Variants in MIPOL1 observed in about 807,000 individuals in gnomAD.
MIPOL1 encodes mirror-image polydactyly gene 1 protein.
A neutral mutation model predicts 60.9 loss-of-function variants in MIPOL1; 57 were observed. The observed-to-expected ratio is 0.94, with a 90% CI of 0.76 to 1.17. MIPOL1 has a LOEUF of 1.17. MIPOL1 is among the 50% of genes most tolerant of loss of function. MIPOL1 has a pLI of 0.00. For missense variants in MIPOL1, 551 were observed against 511.6 expected (o/e 1.08, Z -0.74); for synonymous variants, 179 against 168.8 (o/e 1.06, Z -0.47).
At chr14:37,249,770 G>A (rs568265607) in intron 3 of MIPOL1, among the ~76,000 whole-genome samples, 3 of 152,014 alleles carry the variant, frequency 2.0e-5, no homozygotes, top group Admixed American at 1.3e-4. Flanking sequence ...AAGTAAGTAA[G>A]CAGATACTCT....
chr14:37,537,822 A>G (rs1208609971), intron 12 of MIPOL1, among the ~76,000 whole-genome samples: 2 of 152,200 alleles, frequency 1.3e-5, no homozygotes, highest in Non-Finnish European at 2.9e-5. Flanking sequence ...TAAATGCTCT[A>G]TGCTGTGAGC....
chr14:37,325,770 A>G (rs2089098050), intron 9 of MIPOL1, among the ~76,000 whole-genome samples: 1 of 152,126 alleles, frequency 6.6e-6, no homozygotes, highest in African/African-American at 2.4e-5. Flanking sequence ...TATTCAACAT[A>G]TATTCCTCCT....
chr14:37,424,673 T>A (rs1267286015), intron 11 of MIPOL1, among the ~76,000 whole-genome samples: 1 of 152,228 alleles, frequency 6.6e-6, no homozygotes, highest in African/African-American at 2.4e-5. Context: ...GGTCACTGAC[T>A]GTTGGGAATC....
intron 11 of MIPOL1, among the ~76,000 whole-genome samples, chr14:37,461,976 G>A (rs1300343624): frequency 6.6e-6 from 1 of 152,120 alleles, no homozygotes; most frequent in Non-Finnish European, 1.5e-5. Flanking sequence ...GGAAGACAGT[G>A]GCCCTCTTCT....
intron 10 of MIPOL1, among the ~76,000 whole-genome samples, chr14:37,374,296 A>T (rs1405866044): frequency 6.6e-6 from 1 of 152,090 alleles, no homozygotes; most frequent in Non-Finnish European, 1.5e-5. Flanking sequence ...CCTTTGTCAG[A>T]TGGGTAGATT....
At chr14:37,220,166 C>T (rs182254696) in intron 1 of MIPOL1, among the ~76,000 whole-genome samples, 3 of 152,042 alleles carry the variant, frequency 2.0e-5, no homozygotes, top group Admixed American at 6.6e-5. Flanking sequence ...TATAAGTGTT[C>T]GTCACATAAT....
intron 12 of MIPOL1, among the ~76,000 whole-genome samples, chr14:37,500,820 A>G (rs2095204998): frequency 6.6e-6 from 1 of 152,192 alleles, no homozygotes; most frequent in African/African-American, 2.4e-5. Flanking sequence ...TAATAGAACC[A>G]CTGTAATAGA....
chr14:37,408,644 AAGTC>A (rs2093632233), intron 10 of MIPOL1, among the ~76,000 whole-genome samples: 1 of 152,182 alleles, frequency 6.6e-6, no homozygotes, highest in Admixed American at 6.5e-5. Flanking sequence ...AAAACAAAAA[AAGTC>A]AGGAAAATTA....
rs371406939 is a variant in MIPOL1, at chr14:37,285,342, C to T, written c.518C>T (p.Ala173Val). The part of the protein sequence containing the change: ...TAALVEEVYF[A>V]QKERDEAVMS... ...GCTCTGGTTGAAGAAGTGTATTTTG[C>T]GCAGAAGGAACGTGATGAAGCTGTT... The change falls in exon 7 of 13, where the codon GCG becomes GTG. Residue 173 changes from alanine (A) to valine (V), a missense_variant. By Grantham distance (64) the Ala-to-Val change is moderately conservative (BLOSUM62 0). Coordinates refer to ENST00000684589, the MANE Select transcript of MIPOL1 (RefSeq NM_001388067.1). 9 of 1,613,658 alleles carry T rather than the reference C, an allele frequency of 5.6e-6. No homozygotes were observed. The highest frequency in any genetic ancestry group is 1.3e-5 in the African/African-American group (1 of 74,826).
At chr14:37,366,999 C>T (rs2092492395) in intron 9 of MIPOL1, among the ~76,000 whole-genome samples, 1 of 151,746 alleles carries the variant, frequency 6.6e-6, no homozygotes, top group African/African-American at 2.4e-5. Context: ...ATTTTAGTGA[C>T]AAATTTAACA....
chr14:37,466,592 A>G (rs2094601304), intron 11 of MIPOL1, among the ~76,000 whole-genome samples: 2 of 152,204 alleles, frequency 1.3e-5, no homozygotes, highest in Non-Finnish European at 1.5e-5. Flanking sequence ...TCAGGAGGAC[A>G]TAGTTAATAA....
intron 1 of MIPOL1, among the ~76,000 whole-genome samples, chr14:37,230,818 A>C (rs1477657527): frequency 5.3e-5 from 8 of 152,192 alleles, no homozygotes; most frequent in Admixed American, 5.2e-4. Flanking sequence ...GTGCTACTGC[A>C]TGGCAAACAA....
At chr14:37,372,179 A>G (rs555868260) in intron 10 of MIPOL1, among the ~76,000 whole-genome samples, 4 of 152,190 alleles carry the variant, frequency 2.6e-5, no homozygotes, top group Non-Finnish European at 5.9e-5. Flanking sequence ...AATTACACTG[A>G]AATTCCTAAA....
intron 7 of MIPOL1, among the ~76,000 whole-genome samples, chr14:37,299,390 G>T (rs1365147640): frequency 6.6e-6 from 1 of 151,960 alleles, no homozygotes; most frequent in East Asian, 1.9e-4. Flanking sequence ...GTATACATAT[G>T]TAACAAACCT....
intron 11 of MIPOL1, among the ~76,000 whole-genome samples, chr14:37,458,518 A>T (rs12436453): frequency 6.6e-6 from 1 of 152,148 alleles, no homozygotes; most frequent in Non-Finnish European, 1.5e-5. Flanking sequence ...ACCAAGAGGA[A>T]CTATCAAAAC....
intron 9 of MIPOL1, among the ~76,000 whole-genome samples, chr14:37,345,874 G>A (rs1247460257): frequency 6.6e-6 from 1 of 152,184 alleles, no homozygotes; most frequent in African/African-American, 2.4e-5. Context: ...TATCTTACAT[G>A]TGTATCTTTT....
intron 1 of MIPOL1, among the ~76,000 whole-genome samples, chr14:37,216,034 G>A (rs184784852): frequency 2.1e-5 from 3 of 142,920 alleles, no homozygotes; most frequent in Admixed American, 7.5e-5. Flanking sequence ...TTGCACTCCA[G>A]CCTGGGTGAC....
intron 12 of MIPOL1, among the ~76,000 whole-genome samples, chr14:37,528,831 C>T (rs569126492): frequency 6.6e-6 from 1 of 151,972 alleles, no homozygotes; most frequent in Admixed American, 6.5e-5. Context: ...AGTGTGTGTC[C>T]CATCAAAGAG....
rs113895746 is a variant in MIPOL1 at position 37,451,651 on chromosome 14, A to G, written c.1031+28702A>G. On this transcript the variant is annotated intron_variant, in intron 11 of 12. Coordinates refer to ENST00000684589, the MANE Select transcript of MIPOL1 (RefSeq NM_001388067.1). ...GAAATACATTTATGATAGAAAAAGC[A>G]TTGACATCCAATTGATTTTAAAAAT... is the stretch of plus-strand genomic sequence containing the variant. 2.1e-3 allele frequency among the ~76,000 whole-genome samples: 322 copies of G among 152,190 alleles called. 1 individual carries two copies. Among genetic ancestry groups the G allele is most frequent in the African/African-American group, 7.2e-3 (300 of 41,476 alleles).
Sources: gnomAD v4.1 joint callset for allele counts (sites outside exome capture counted in the v4.1 genomes callset) on GRCh38, gnomAD v4.1.1 for gene constraint, MANE v1.5 for transcripts, NCBI Gene and HGNC (gene_info 2026-07-23, HGNC 2026-07-21) for gene names.